The following GRK1 variants were observed in gnomAD, a reference collection of about 807,000 sequenced individuals.
GRK1 encodes rhodopsin kinase GRK1.
Under a neutral mutation model 41.7 loss-of-function variants are expected in GRK1, and 28 were observed. That is an observed-to-expected ratio of 0.67 (90% CI 0.50 to 0.92). The LOEUF (loss-of-function observed/expected upper bound fraction) is 0.92. Among genes scored for constraint, GRK1 ranks in the 40% least tolerant of loss-of-function variants. The pLI, the probability that GRK1 is intolerant of heterozygous loss-of-function variation, is 0.00. For synonymous variants in GRK1, 327 were observed against 286.7 expected, an observed-to-expected ratio of 1.14 and a Z score of -1.42; for missense variants, 703 against 671.2, an observed-to-expected ratio of 1.05 and a Z score of -0.52.
intron 4 of GRK1, among the ~76,000 whole-genome samples, chr13:113,723,478 A>T (rs2049869444): frequency 1.3e-5 from 2 of 152,156 alleles, no homozygotes; most frequent in South Asian, 4.1e-4. Flanking sequence ...TGAGACATCA[A>T]TCAGCATATG....
intron 6 of GRK1, among the ~76,000 whole-genome samples, chr13:113,733,528 CGCGTGTGT>C (rs1306080453): frequency 9.1e-6 from 1 of 110,154 alleles, no homozygotes; most frequent in Admixed American, 9.0e-5. Flanking sequence ...TGCATGTGTG[CGCGTGTGT>C]GCATGCGTGT....
At chr13:113,656,932 C>T in the GRK1 span, among the ~76,000 whole-genome samples, 5 of 152,282 alleles carry the variant, frequency 3.3e-5, no homozygotes, top group East Asian at 3.9e-4. Context: ...CCTGGCCTCC[C>T]GCTCTGCCGC....
At chr13:113,663,428 G>T (rs61969017), upstream of GRK1, among the ~76,000 whole-genome samples, 4 of 152,114 alleles carry the variant, frequency 2.6e-5, no homozygotes, top group African/African-American at 9.7e-5. Flanking sequence ...AAGATCTGGG[G>T]CTGGACAACA....
chr13:113,651,427 GAC>G, the GRK1 span, among the ~76,000 whole-genome samples: 1 of 152,238 alleles, frequency 6.6e-6, no homozygotes, highest in African/African-American at 2.4e-5. Flanking sequence ...GCGTGCTGCT[GAC>G]ACGCTACTCA....
At chr13:113,652,357 C>T in the GRK1 span, among the ~76,000 whole-genome samples, 1 of 152,252 alleles carries the variant, frequency 6.6e-6, no homozygotes, top group East Asian at 1.9e-4. Context: ...AACAGCACAG[C>T]TGCCCGGAGG....
the GRK1 span, among the ~76,000 whole-genome samples, chr13:113,653,777 T>C: frequency 6.6e-6 from 1 of 152,180 alleles, no homozygotes; most frequent in African/African-American, 2.4e-5. Context: ...TGAACATGCA[T>C]TAAAAAAAAT....
In GRK1 at chr13:113,733,724, T is replaced by A. The variant is rs566851884; in HGVS notation, c.1396+639T>A. Among the ~76,000 whole-genome samples the A allele has an allele frequency of 9.6e-5, 13 of 135,560 alleles. No individual in the cohort carries two copies. The South Asian group carries it at 2.9e-3, about 30-fold the overall frequency. 88.9% of individuals were successfully genotyped at this position (135,560 alleles called of 152,430 possible). A position where few individuals can be genotyped will look rare whatever the true frequency, so the allele number is the denominator to read the frequency against. Reference sequence around the variant, plus strand: ...GTGTGCGTGTGTGCGCACGTGTGTGTGCGCGCGTGTGTATGTGTGCATACA... The same window carrying A: ...GTGTGCGTGTGTGCGCACGTGTGTGAGCGCGCGTGTGTATGTGTGCATACA... On this transcript the variant is annotated intron_variant, in intron 6 of 6. Coordinates refer to ENST00000335678, the MANE Select transcript of GRK1 (RefSeq NM_002929.3).
At chr13:113,726,786 T>C (rs2049891581) in intron 4 of GRK1, among the ~76,000 whole-genome samples, 1 of 152,134 alleles carries the variant, frequency 6.6e-6, no homozygotes, top group African/African-American at 2.4e-5. Flanking sequence ...GTGTGAGCAG[T>C]TCCTCCCCGG....
In GRK1 at chr13:113,735,634, A is replaced by G; in HGVS notation, c.*271A>G. On this transcript the variant is annotated 3_prime_UTR_variant, in exon 7 of 7. Coordinates refer to ENST00000335678, the MANE Select transcript of GRK1 (RefSeq NM_002929.3). ...TGAGAAGACATAAGATGCTCTCCAG[A>G]GGGAGTAAGCCAAAAATCTACAAAC... 2.7e-6 allele frequency: 1 copy of G among 366,432 alleles called. No individual in the cohort carries two copies. The highest frequency in any genetic ancestry group is 4.9e-6 in the Non-Finnish European group (1 of 204,394). 22.7% of individuals were successfully genotyped at this position (366,432 alleles called of 1,614,324 possible).
the GRK1 span, chr13:113,651,817 G>A: frequency 2.7e-3 from 3,930 of 1,480,866 alleles, 72 homozygotes; most frequent in Admixed American, 0.031. Context: ...AGATCTGGCC[G>A]GCCCCAGCCT....
At chr13:113,670,483 G>C (rs139069329) in intron 2 of GRK1, among the ~76,000 whole-genome samples, 4 of 152,394 alleles carry the variant, frequency 2.6e-5, no homozygotes, top group Non-Finnish European at 4.4e-5. Context: ...TCTGATGCCC[G>C]TAAGGTTAGC....
the GRK1 span, among the ~76,000 whole-genome samples, chr13:113,657,776 G>A: frequency 6.6e-6 from 1 of 152,232 alleles, no homozygotes; most frequent in Non-Finnish European, 1.5e-5. Flanking sequence ...TGACATTTGG[G>A]GCCAGTCTGT....
intron 4 of GRK1, among the ~76,000 whole-genome samples, chr13:113,727,921 CGAT>C (rs2049901867): frequency 5.9e-5 from 5 of 84,784 alleles, no homozygotes; most frequent in African/African-American, 1.4e-4. Context: ...GTACCCATGG[CGAT>C]GAGGAGTACC....
the GRK1 span, chr13:113,654,837 T>C: frequency 1.2e-6 from 2 of 1,614,116 alleles, no homozygotes; most frequent in Non-Finnish European, 1.7e-6. Flanking sequence ...CTGGTCTTGG[T>C]AGTCCGGTGT....
At chr13:113,648,443 C>T in the GRK1 span, among the ~76,000 whole-genome samples, 8 of 152,274 alleles carry the variant, frequency 5.3e-5, no homozygotes, top group South Asian at 4.1e-4. Flanking sequence ...TGCACACCGC[C>T]GTCGGGGTGA....
At position 113,735,050 on chromosome 13, in the gene GRK1, G is replaced by A. The variant is rs1280655967; in HGVS notation, c.1397-18G>A. The A allele has an allele frequency of 6.7e-7, 1 of 1,482,776 alleles. No individual in the cohort carries two copies. The highest frequency in any genetic ancestry group is 1.3e-5 in the South Asian group (1 of 77,082). The allele number at this position is 1,482,776 out of a possible 1,614,324, so 91.9% of individuals were successfully genotyped here. A position where few individuals can be genotyped will look rare whatever the true frequency, so the allele number is the denominator to read the frequency against. On this transcript the variant is annotated intron_variant, in intron 6 of 6. Transcript: ENST00000335678. Reference sequence around the variant, plus strand: ...CCACCACGAGGAGCCTGGCGTCTGTGTTTTCTGTCTCCCACAGGGATGCTG... The same window carrying A: ...CCACCACGAGGAGCCTGGCGTCTGTATTTTCTGTCTCCCACAGGGATGCTG...
Position 113,667,909 on chromosome 13 carries a change from C to G in GRK1, c.523C>G (p.Leu175Val), listed in dbSNP as rs754191036. 6.2e-7 allele frequency: 1 copy of G among 1,606,464 alleles called. No individual in the cohort carries two copies. The highest frequency in any genetic ancestry group is 8.5e-7 in the Non-Finnish European group (1 of 1,176,184). The stretch of plus-strand genomic sequence containing the variant: ...GGGCAGCCTGTACTTCCTGAGGTTC[C>G]TGCAGTGGAAGTGGCTGGAAGCCCA... ...YLGSLYFLRF[L>V]QWKWLEAQPM... The change falls in exon 1 of 7, where the codon CTG becomes GTG. Residue 175 changes from leucine to valine, a missense_variant. Coordinates refer to ENST00000335678, the MANE Select transcript of GRK1 (RefSeq NM_002929.3). The surrounding 1 kb of genome is among the most constrained non-coding windows in gnomAD (Gnocchi z 7.5).
chr13:113,669,857 A>G (rs752951938), intron 2 of GRK1, 43 bp downstream of exon 2: 2 of 1,609,800 alleles, frequency 1.2e-6, no homozygotes, highest in Non-Finnish European at 1.7e-6. Context: ...CCGCTGTCCC[A>G]CTGGGTCAGG....
At chr13:113,665,981 C>T (rs565613289), upstream of GRK1, among the ~76,000 whole-genome samples, 426 of 107,164 alleles carry the variant, frequency 4.0e-3, 2 homozygotes, top group Middle Eastern at 0.011. Context: ...GCCCCAGGTG[C>T]ATCCCAGGTG....
Sources: allele counts gnomAD v4.1 joint callset (sites outside exome capture counted in the v4.1 genomes callset), GRCh38; gene constraint gnomAD v4.1.1; non-coding constraint Gnocchi (gnomAD v3.1); transcripts MANE v1.5; gene names NCBI Gene and HGNC (gene_info 2026-07-23, HGNC 2026-07-21).